FGD4: variants seen among roughly 807,000 people sequenced by gnomAD.
The protein encoded by FGD4 is FYVE, RhoGEF and PH domain containing 4, also known as FYVE, RhoGEF and PH domain-containing protein 4.
A neutral mutation model predicts 102.0 loss-of-function variants in FGD4; 42 were observed. The observed-to-expected ratio is 0.41, with a 90% CI of 0.32 to 0.53. FGD4 has a LOEUF of 0.53. FGD4 is among the 20% of genes least tolerant of loss of function. FGD4 has a pLI of 0.21. For synonymous variants in FGD4, 380 were observed against 375.7 expected (o/e 1.01, Z -0.13); for missense variants, 902 against 1,078.2 (o/e 0.84, Z 2.29).
At chr12:32,442,513 T>C (rs1043651177) in intron 1 of FGD4, among the ~76,000 whole-genome samples, 4 of 151,346 alleles carry the variant, frequency 2.6e-5, no homozygotes, top group Non-Finnish European at 5.9e-5. Context: ...GGGTGATAGA[T>C]GGAGCTTTCT....
intron 1 of FGD4, among the ~76,000 whole-genome samples, chr12:32,555,658 G>A (rs1179957947): frequency 2.2e-5 from 3 of 138,896 alleles, no homozygotes; most frequent in South Asian, 5.0e-4. Context: ...TGCAAGCTCC[G>A]CCTCCCGGTT....
At chr12:32,561,657 G>A (rs1354347414) in intron 1 of FGD4, among the ~76,000 whole-genome samples, 1 of 152,118 alleles carries the variant, frequency 6.6e-6, no homozygotes, top group Non-Finnish European at 1.5e-5. Context: ...TTTCTCTGAA[G>A]CAGAGTCAGT....
chr12:32,485,911 T>C lies in FGD4; in HGVS notation c.167-78226T>C, dbSNP rs1299806599. 7 of 1,265,298 alleles carry C rather than the reference T, an allele frequency of 5.5e-6. No individual in the cohort carries two copies. The African/African-American group carries it at 1.1e-4, about 19-fold the overall frequency. The allele number at this position is 1,265,298 out of a possible 1,614,324, so 78.4% of individuals were successfully genotyped here. On this transcript the variant is annotated intron_variant, in intron 1 of 16. Transcript: ENST00000534526. ...TTTTGAAATGCGTTGCTTGCGTAGT[T>C]CCTTGAGCCTGCATCACTGCCAGAA... is the stretch of plus-strand genomic sequence containing the variant.
intron 4 of FGD4, among the ~76,000 whole-genome samples, chr12:32,583,304 G>A (rs549010406): frequency 6.6e-5 from 10 of 152,208 alleles, no homozygotes; most frequent in South Asian, 6.2e-4. Flanking sequence ...GCCACTGCAC[G>A]CCAGCCAGGG....
chr12:32,431,103 A>T (rs553828413), intron 1 of FGD4, among the ~76,000 whole-genome samples: 1 of 152,330 alleles, frequency 6.6e-6, no homozygotes, highest in East Asian at 1.9e-4. Flanking sequence ...CCACAAAATG[A>T]GCATTGGAGA....
intron 4 of FGD4, among the ~76,000 whole-genome samples, chr12:32,598,171 AT>A (rs1399637648): frequency 6.6e-6 from 1 of 152,216 alleles, no homozygotes; most frequent in East Asian, 1.9e-4. Context: ...GAGTGATAAC[AT>A]TTCCAAAGAG....
At chr12:32,401,610 A>C (rs1318502813) in intron 1 of FGD4, among the ~76,000 whole-genome samples, 1 of 152,044 alleles carries the variant, frequency 6.6e-6, no homozygotes, top group Admixed American at 6.6e-5. Flanking sequence ...GCTAAATTAC[A>C]AACCCATTGA....
Position 32,632,986 on chromosome 12 carries a change from A to G in FGD4, c.2173-563A>G, listed in dbSNP as rs34275891. Among the ~76,000 whole-genome samples, 337 of 151,934 alleles carry G rather than the reference A, an allele frequency of 2.2e-3. 1 individual carries two copies. Among genetic ancestry groups the G allele is most frequent in the Non-Finnish European group, 3.5e-3 (240 of 68,012 alleles). On this transcript the variant is annotated intron_variant, in intron 14 of 16. Coordinates refer to ENST00000534526, the MANE Select transcript of FGD4 (RefSeq NM_001370298.3). The stretch of plus-strand genomic sequence containing the variant: ...CTACAAGGACCAGTCACAAGCCTAG[A>G]AAAGAAGCCAAACTAAAACGCCATG...
chr12:32,421,350 T>C (rs1941618061), intron 1 of FGD4, among the ~76,000 whole-genome samples: 1 of 152,238 alleles, frequency 6.6e-6, no homozygotes, highest in Non-Finnish European at 1.5e-5. Context: ...GTATACTTTT[T>C]GTTCTCTTTG....
chr12:32,543,434 T>C (rs766875446), intron 1 of FGD4, among the ~76,000 whole-genome samples: 10 of 152,104 alleles, frequency 6.6e-5, no homozygotes, highest in Admixed American at 1.3e-4. Flanking sequence ...TTGGGAGGAA[T>C]AGGTCTGAAA....
intron 1 of FGD4, among the ~76,000 whole-genome samples, chr12:32,416,929 C>T (rs1450119805): frequency 2.7e-5 from 4 of 149,512 alleles, no homozygotes. Flanking sequence ...TGGAGTCTTG[C>T]TCTGTCACCC....
chr12:32,553,648 T>C (rs967279464), intron 1 of FGD4, among the ~76,000 whole-genome samples: 5 of 152,234 alleles, frequency 3.3e-5, no homozygotes, highest in African/African-American at 1.2e-4. Flanking sequence ...TCAAGTCTTA[T>C]TTTGAGTTTA....
At position 32,645,277 on chromosome 12, in the gene FGD4, C is replaced by T. The variant is rs773275388; in HGVS notation, c.*4744C>T. The T allele has an allele frequency of 1.3e-4, 20 of 151,932 alleles. No homozygotes were observed. Among genetic ancestry groups the T allele is most frequent in the Non-Finnish European group, 2.5e-4 (17 of 68,004 alleles). The allele number at this position is 151,932 out of a possible 1,614,324, so 9.4% of individuals were successfully genotyped here. ...CTCTTCATTAGCAAAACAGTCATGT[C>T]TGTCTGTATATAAGACTTTTTTTTT... On this transcript the variant is annotated 3_prime_UTR_variant, in exon 17 of 17. Coordinates refer to ENST00000534526, the MANE Select transcript of FGD4 (RefSeq NM_001370298.3).
chr12:32,465,622 C>T (rs904530783), intron 1 of FGD4, among the ~76,000 whole-genome samples: 4 of 151,794 alleles, frequency 2.6e-5, no homozygotes, highest in Admixed American at 6.6e-5. Context: ...GAGCTGAGAT[C>T]GCGCCACTGC....
At chr12:32,518,136 ATC>A (rs1940094260) in intron 1 of FGD4, among the ~76,000 whole-genome samples, 1 of 152,192 alleles carries the variant, frequency 6.6e-6, no homozygotes, top group Admixed American at 6.5e-5. Context: ...GTGAAAGACT[ATC>A]TGTCTAGGAA....
intron 1 of FGD4, among the ~76,000 whole-genome samples, chr12:32,455,354 GAAGTA>G (rs982537140): frequency 7.2e-5 from 11 of 152,104 alleles, no homozygotes; most frequent in African/African-American, 2.4e-4. Context: ...GCTGTATCAT[GAAGTA>G]TAGTAGTATA....
Position 32,642,281 on chromosome 12 carries a change from C to G in FGD4, c.*1748C>G, listed in dbSNP as rs1951189706. 1 of 152,134 alleles carries G rather than the reference C, an allele frequency of 6.6e-6. No homozygotes were observed. Among genetic ancestry groups the G allele is most frequent in the African/African-American group, 2.4e-5 (1 of 41,538 alleles). 9.4% of individuals were successfully genotyped at this position (152,134 alleles called of 1,614,324 possible). A position where few individuals can be genotyped will look rare whatever the true frequency, so the allele number is the denominator to read the frequency against. On this transcript the variant is annotated 3_prime_UTR_variant, in exon 17 of 17. Coordinates refer to ENST00000534526, the MANE Select transcript of FGD4 (RefSeq NM_001370298.3). ...CTAGAAGAAAATTTACATTGCTTCTCTTTTTTAATGGCCAGCGGGGTATGT... is the reference window on the plus strand; with the variant it reads ...CTAGAAGAAAATTTACATTGCTTCTGTTTTTTAATGGCCAGCGGGGTATGT...
intron 1 of FGD4, among the ~76,000 whole-genome samples, chr12:32,553,453 T>A (rs1204263600): frequency 6.6e-6 from 1 of 152,208 alleles, no homozygotes; most frequent in Non-Finnish European, 1.5e-5. Flanking sequence ...ATATTTCTAG[T>A]CTGAAAATTA....
At chr12:32,448,034 G>A (rs1481556201) in intron 1 of FGD4, among the ~76,000 whole-genome samples, 1 of 152,176 alleles carries the variant, frequency 6.6e-6, no homozygotes, top group Non-Finnish European at 1.5e-5. Flanking sequence ...AAAGAACATT[G>A]GTACAAGACG....
Sources: allele counts gnomAD v4.1 joint callset (sites outside exome capture counted in the v4.1 genomes callset), GRCh38; gene constraint gnomAD v4.1.1; transcripts MANE v1.5; gene names NCBI Gene and HGNC (gene_info 2026-07-23, HGNC 2026-07-21).